The following CDH13 variants were observed in gnomAD, a reference collection of about 807,000 sequenced individuals.
CDH13 encodes the protein cadherin 13.
A neutral mutation model predicts 63.8 loss-of-function variants in CDH13; 24 were observed. That is an observed-to-expected ratio of 0.38 (90% confidence interval 0.27 to 0.53). The LOEUF (loss-of-function observed/expected upper bound fraction) is 0.53, where lower values mean the gene tolerates loss of function less well. Ranked by LOEUF, CDH13 falls within the 20% of genes least tolerant of loss-of-function variation. The pLI is 0.85. For missense variants in CDH13, 1,049 were observed against 903.1 expected (o/e 1.16, Z -2.07); for synonymous variants, 503 against 355.3 (o/e 1.42, Z -4.67).
At chr16:82,921,621 A>G (rs2042157566) in intron 2 of CDH13, among the ~76,000 whole-genome samples, 3 of 152,228 alleles carry the variant, frequency 2.0e-5, no homozygotes, top group Admixed American at 1.3e-4. Context: ...TTATCAGTCT[A>G]CTAACTATGT....
chr16:83,729,244 T>A (rs1910776774), intron 10 of CDH13, among the ~76,000 whole-genome samples: 1 of 152,174 alleles, frequency 6.6e-6, no homozygotes, highest in Non-Finnish European at 1.5e-5. Context: ...CATCATATAC[T>A]GTTACATATC....
At chr16:82,915,418 C>T (rs1032982641) in intron 2 of CDH13, among the ~76,000 whole-genome samples, 4 of 152,100 alleles carry the variant, frequency 2.6e-5, no homozygotes, top group African/African-American at 7.2e-5. Flanking sequence ...TAAACTGTAA[C>T]GAAGGTATCT....
chr16:83,464,604 C>A (rs184111562), intron 6 of CDH13, among the ~76,000 whole-genome samples: 1 of 152,102 alleles, frequency 6.6e-6, no homozygotes, highest in Non-Finnish European at 1.5e-5. Context: ...AGGTGATCCA[C>A]CCGCCTTGAG....
intron 1 of CDH13, among the ~76,000 whole-genome samples, chr16:82,760,403 A>T (rs1212958847): frequency 2.0e-5 from 3 of 152,238 alleles, no homozygotes. Context: ...CATCTAGTGT[A>T]AAATTCACCA....
Position 83,797,749 on chromosome 16 carries a change from A to G in CDH13, c.*2719A>G, listed in dbSNP as rs981931989. 1 of 152,248 alleles carries G rather than the reference A, an allele frequency of 6.6e-6. No individual in the cohort carries two copies. The highest frequency in any genetic ancestry group is 2.4e-5 in the African/African-American group (1 of 41,462). The allele number at this position is 152,248 out of a possible 1,614,324, so 9.4% of individuals were successfully genotyped here. ...AAATTGCTTTTCCCAATTACTGAGC[A>G]CAGGTCTGAGGGTTTTATTTCCACT... On this transcript the variant is annotated 3_prime_UTR_variant, in exon 14 of 14. Coordinates refer to ENST00000567109, the MANE Select transcript of CDH13 (RefSeq NM_001257.5).
intron 5 of CDH13, among the ~76,000 whole-genome samples, chr16:83,280,645 C>A (rs1179703927): frequency 6.6e-6 from 1 of 152,014 alleles, no homozygotes; most frequent in Non-Finnish European, 1.5e-5. Flanking sequence ...TTTACTTTGC[C>A]CAGATCCATC....
At chr16:83,502,647 G>A (rs2074308242) in intron 7 of CDH13, among the ~76,000 whole-genome samples, 1 of 152,166 alleles carries the variant, frequency 6.6e-6, no homozygotes, top group Non-Finnish European at 1.5e-5. Flanking sequence ...GAGACGATGT[G>A]TGAAATACAT....
At chr16:82,962,032 C>T (rs986310810) in intron 2 of CDH13, among the ~76,000 whole-genome samples, 11 of 152,182 alleles carry the variant, frequency 7.2e-5, no homozygotes, top group African/African-American at 1.9e-4. Flanking sequence ...AACATAGATG[C>T]TATGACATGT....
chr16:83,548,316 G>C (rs550404832), intron 7 of CDH13, among the ~76,000 whole-genome samples: 1 of 152,120 alleles, frequency 6.6e-6, no homozygotes, highest in Non-Finnish European at 1.5e-5. Flanking sequence ...GATATTTTTT[G>C]GTTGTTGCAA....
chr16:82,750,748 A>G (rs1205983412), intron 1 of CDH13, among the ~76,000 whole-genome samples: 1 of 152,158 alleles, frequency 6.6e-6, no homozygotes, highest in African/African-American at 2.4e-5. Flanking sequence ...GAGCTTATTA[A>G]GATTGAAAAT....
intron 4 of CDH13, among the ~76,000 whole-genome samples, chr16:83,189,199 C>G (rs1353471989): frequency 6.6e-6 from 1 of 152,142 alleles, no homozygotes; most frequent in Non-Finnish European, 1.5e-5. Context: ...CCCTTTCTGC[C>G]TAGAACTCTG....
intron 1 of CDH13, among the ~76,000 whole-genome samples, chr16:82,749,576 A>G (rs1341096377): frequency 2.6e-5 from 4 of 152,214 alleles, no homozygotes; most frequent in African/African-American, 7.2e-5. Flanking sequence ...TTAAAGTCAC[A>G]TACAGAGTGA....
chr16:82,794,224 A>G (rs1454789108), intron 1 of CDH13, among the ~76,000 whole-genome samples: 1 of 136,796 alleles, frequency 7.3e-6, no homozygotes, highest in East Asian at 2.1e-4. Context: ...GTGTTATTTT[A>G]TGTGTTGCCA....
At chr16:83,211,675 G>C (rs772015195) in intron 4 of CDH13, among the ~76,000 whole-genome samples, 3 of 152,106 alleles carry the variant, frequency 2.0e-5, no homozygotes, top group Non-Finnish European at 4.4e-5. Flanking sequence ...AAATCAAGGA[G>C]TCACTACCTG....
At chr16:83,279,885 T>C (rs1269997369) in intron 5 of CDH13, among the ~76,000 whole-genome samples, 2 of 152,104 alleles carry the variant, frequency 1.3e-5, no homozygotes, top group African/African-American at 4.8e-5. Context: ...GCTCCATTTA[T>C]ACTATACTGC....
chr16:82,942,753 A>G, intron 2 of CDH13, among the ~76,000 whole-genome samples: 1 of 152,208 alleles, frequency 6.6e-6, no homozygotes, highest in South Asian at 2.1e-4. Context: ...TAAAGAGAAC[A>G]TGTGATATGC....
At chr16:82,962,625 T>C (rs1907192205) in intron 2 of CDH13, among the ~76,000 whole-genome samples, 1 of 152,102 alleles carries the variant, frequency 6.6e-6, no homozygotes, top group Non-Finnish European at 1.5e-5. Context: ...CTGACAAAGA[T>C]GCGGGTGAAA....
intron 2 of CDH13, among the ~76,000 whole-genome samples, chr16:82,937,954 CACTT>C (rs1473324470): frequency 2.6e-5 from 4 of 152,122 alleles, no homozygotes; most frequent in Non-Finnish European, 5.9e-5. Context: ...TCAAATGTAA[CACTT>C]AATTTACTTT....
chr16:83,750,182 G>A (rs927863664), intron 11 of CDH13, among the ~76,000 whole-genome samples: 1 of 152,056 alleles, frequency 6.6e-6, no homozygotes, highest in African/African-American at 2.4e-5. Flanking sequence ...TGTAGTCCCA[G>A]GTACTCAGGA....
Sources: gnomAD v4.1 joint callset for allele counts (sites outside exome capture counted in the v4.1 genomes callset) on GRCh38, gnomAD v4.1.1 for gene constraint, MANE v1.5 for transcripts, NCBI Gene and HGNC (gene_info 2026-07-23, HGNC 2026-07-21) for gene names.